Variants in CELSR1 observed in about 807,000 individuals in gnomAD.
CELSR1 encodes cadherin EGF LAG seven-pass G-type receptor 1, also known as adhesion G protein-coupled receptor C1.
Under a neutral mutation model 249.1 loss-of-function variants are expected in CELSR1, and 110 were observed. The observed-to-expected ratio is 0.44, with a 90% CI of 0.38 to 0.52. CELSR1 has a LOEUF of 0.52. CELSR1 is among the 20% of genes least tolerant of loss of function. The pLI is 0.00. For synonymous variants in CELSR1, 2,113 were observed against 1,900.0 expected (o/e 1.11, Z -2.92); for missense variants, 4,109 against 4,296.4 (o/e 0.96, Z 1.22).
At chr22:46,414,987 A>T (rs1485518684) in intron 5 of CELSR1, among the ~76,000 whole-genome samples, 1 of 152,170 alleles carries the variant, frequency 6.6e-6, no homozygotes, top group Non-Finnish European at 1.5e-5. Flanking sequence ...GGGTCCCGGA[A>T]CACATCGCGC....
chr22:46,409,110 G>A lies in CELSR1; in HGVS notation c.5112C>T (p.Asp1704=), dbSNP rs35717986. The change falls in exon 9 of 35, where the codon GAC becomes GAT. Residue 1704 remains aspartate (D), a synonymous_variant. Coordinates refer to ENST00000674500, the MANE Select transcript of CELSR1 (RefSeq NM_001378328.1). This position sits in a 1 kb window ranked among gnomAD's most constrained non-coding sequence, Gnocchi z 9.8. ...FSGESVVSWS[D]LNIIISVPWY... ...AGGGCACAGAGATGATGATGTTCAG[G>A]TCACTCCAGGACACGACGCTCTCAC... 101,724 of 1,612,768 alleles carry A rather than the reference G, an allele frequency of 0.063. 5,212 individuals carry two copies. Among genetic ancestry groups the A allele is most frequent in the African/African-American group, 0.27 (20,122 of 74,782 alleles).
At chr22:46,378,336 GA>G (rs2078940622) in intron 23 of CELSR1, among the ~76,000 whole-genome samples, 1 of 152,168 alleles carries the variant, frequency 6.6e-6, no homozygotes, top group East Asian at 1.9e-4. Context: ...AGGGCTCTCT[GA>G]AAACCCTTAT....
chr22:46,366,718 G>A (rs910614700), intron 29 of CELSR1, among the ~76,000 whole-genome samples: 1 of 152,172 alleles, frequency 6.6e-6, no homozygotes, highest in African/African-American at 2.4e-5. Context: ...CCCTCCCTAC[G>A]GCCACTGCTT....
Position 46,367,210 on chromosome 22 carries a change from G to C in CELSR1, c.8080-92C>G, listed in dbSNP as rs2078795484. Reference sequence around the variant, plus strand: ...AGCACAGATGCGCATACAGCCTTGAGTGCACACAACATGTCCGGCCACACG... The same window carrying C: ...AGCACAGATGCGCATACAGCCTTGACTGCACACAACATGTCCGGCCACACG... On this transcript the variant is annotated intron_variant, in intron 28 of 34. Coordinates refer to ENST00000674500, the MANE Select transcript of CELSR1 (RefSeq NM_001378328.1). 2.7e-6 allele frequency: 4 copies of C among 1,482,298 alleles called. No individual in the cohort carries two copies. The African/African-American group carries it at 4.1e-5, about 15-fold the overall frequency. The allele number at this position is 1,482,298 out of a possible 1,614,324, so 91.8% of individuals were successfully genotyped here. A position where few individuals can be genotyped will look rare whatever the true frequency, so the allele number is the denominator to read the frequency against.
chr22:46,536,262 G>T lies in CELSR1; in HGVS notation c.909C>A (p.Gly303=). Residue 303 remains glycine (G), a synonymous_variant, in exon 1 of 35, where the codon GGC becomes GGA. Coordinates refer to ENST00000674500, the MANE Select transcript of CELSR1 (RefSeq NM_001378328.1). ...CCAGTACGCTGTCCGTGCTCACGGC[G>T]CCCGTGGCAGAGTCGATTCGGAAGT... The part of the protein sequence containing the change: ...RGYFRIDSAT[G]AVSTDSVLDR... 6.2e-7 allele frequency: 1 copy of T among 1,612,302 alleles called. No individual in the cohort carries two copies. The highest frequency in any genetic ancestry group is 8.5e-7 in the Non-Finnish European group (1 of 1,179,784).
chr22:46,378,792 C>T (rs536354160), intron 22 of CELSR1, 75 bp from the exon 23 acceptor site: 75 of 1,540,870 alleles, frequency 4.9e-5, no homozygotes, highest in Non-Finnish European at 6.1e-5. Flanking sequence ...GCAGCCTTTG[C>T]CCAGCCCTGG....
intron 1 of CELSR1, among the ~76,000 whole-genome samples, chr22:46,524,702 G>A (rs945649467): frequency 6.6e-6 from 1 of 152,048 alleles, no homozygotes; most frequent in African/African-American, 2.4e-5. Flanking sequence ...GAATGTTCAC[G>A]CCCAAAAGGG....
Position 46,396,515 on chromosome 22 carries a change from G to A in CELSR1, c.5843+90C>T. On this transcript the variant is annotated intron_variant, in intron 13 of 34. Transcript: ENST00000674500. This position sits in a 1 kb window ranked among gnomAD's most constrained non-coding sequence, Gnocchi z 6.4. ...TTACCCAGAATCACACATATCTTTGGGTCAAAATAAGAAAGAGAAGACACT... is the reference window on the plus strand; with the variant it reads ...TTACCCAGAATCACACATATCTTTGAGTCAAAATAAGAAAGAGAAGACACT... 7.6e-7 allele frequency: 1 copy of A among 1,322,036 alleles called. No individual in the cohort carries two copies. Among genetic ancestry groups the A allele is most frequent in the Non-Finnish European group, 9.8e-7 (1 of 1,018,058 alleles). The allele number at this position is 1,322,036 out of a possible 1,614,324, so 81.9% of individuals were successfully genotyped here.
rs559050135 is a variant in CELSR1 at position 46,513,348 on chromosome 22, A to C, written c.3544+20279T>G. 3.9e-5 allele frequency among the ~76,000 whole-genome samples: 6 copies of C among 152,186 alleles called. No individual in the cohort carries two copies. The South Asian group carries it at 1.2e-3, about 32-fold the overall frequency. On this transcript the variant is annotated intron_variant, in intron 1 of 34. Coordinates refer to ENST00000674500, the MANE Select transcript of CELSR1 (RefSeq NM_001378328.1). ...AAGAGGATTAAAAATACAAGTTCAA[A>C]AGCATTCCCCACGTGGGGTCCTGAG...
chr22:46,384,491 C>G (rs760598927), intron 20 of CELSR1, 52 bp downstream of exon 20: 32 of 1,534,676 alleles, frequency 2.1e-5, no homozygotes, highest in Non-Finnish European at 2.5e-5. Context: ...GCCCTCCCCT[C>G]CCTGAACGCT....
At chr22:46,451,931 A>AG (rs1177149368) in intron 2 of CELSR1, among the ~76,000 whole-genome samples, 1 of 152,178 alleles carries the variant, frequency 6.6e-6, no homozygotes, top group African/African-American at 2.4e-5. Context: ...ATGAGAAGCA[A>AG]GGGGAAGGGC....
chr22:46,524,522 C>T (rs894176673), intron 1 of CELSR1, among the ~76,000 whole-genome samples: 4 of 151,306 alleles, frequency 2.6e-5, no homozygotes, highest in Non-Finnish European at 4.4e-5. Context: ...TTGAAAACGG[C>T]CCCCACCCCC....
chr22:46,450,691 G>A lies in CELSR1; in HGVS notation c.4184-11280C>T, dbSNP rs6007913. ...CCTTCCCTGGACAGGTGTCCCCTCC[G>A]AATGTCCCTATAGGAGAGGCCGACC... On this transcript the variant is annotated intron_variant, in intron 2 of 34. Transcript: ENST00000674500. Among the ~76,000 whole-genome samples, 946 of 152,234 alleles carry A rather than the reference G, an allele frequency of 6.2e-3. 9 individuals carry two copies. The highest frequency in any genetic ancestry group is 0.021 in the African/African-American group (876 of 41,536).
At chr22:46,460,899 A>G (rs2080018540) in intron 2 of CELSR1, among the ~76,000 whole-genome samples, 1 of 152,180 alleles carries the variant, frequency 6.6e-6, no homozygotes, top group African/African-American at 2.4e-5. Context: ...TTTCTCCAGC[A>G]TCAAATTTGT....
At position 46,394,171 on chromosome 22, in the gene CELSR1, T is replaced by C. The variant is rs757459340; in HGVS notation, c.5935A>G (p.Asn1979Asp). Reference sequence around the variant, plus strand: ...CATTGGCACTGGCCGTTGGTCTTATTACAGTCGGGATCAAAGCCTTTGCTG... The same window carrying C: ...CATTGGCACTGGCCGTTGGTCTTATCACAGTCGGGATCAAAGCCTTTGCTG... ...AVSKGFDPDC[N>D]KTNGQCQCKE... The change falls in exon 14 of 35, where the codon AAT becomes GAT. Residue 1979 changes from asparagine (N) to aspartate (D), a missense_variant. Transcript: ENST00000674500. The C allele has an allele frequency of 5.6e-6, 9 of 1,613,948 alleles. No homozygotes were observed. Among genetic ancestry groups the C allele is most frequent in the Admixed American group, 1.7e-5 (1 of 60,006 alleles).
intron 2 of CELSR1, among the ~76,000 whole-genome samples, chr22:46,450,800 T>G (rs182451765): frequency 9.3e-4 from 141 of 152,294 alleles, no homozygotes; most frequent in African/African-American, 3.2e-3. Flanking sequence ...CTGAGCAAGA[T>G]CCTGGCTAGT....
In CELSR1 at chr22:46,392,009, C is replaced by T. The variant is rs569655153; in HGVS notation, c.5965-193G>A. On this transcript the variant is annotated intron_variant, in intron 14 of 34. Transcript: ENST00000674500. ...GCTGCCTCCCAAGGCCCCACAAGGC[C>T]GGACCCAGGAGAGCAGTTCTTCCGG... 5.9e-5 allele frequency among the ~76,000 whole-genome samples: 9 copies of T among 152,344 alleles called. No homozygotes were observed. In the South Asian group the frequency reaches 8.3e-4, roughly 14 times the overall value.
Position 46,427,393 on chromosome 22 carries a change from C to A in CELSR1, c.4611+6000G>T, listed in dbSNP as rs2079548392. The stretch of plus-strand genomic sequence containing the variant: ...CTCTACTAAAAGTACAAAAATTAAC[C>A]GGGTGTGGTGGCGCGCACCTGTAAA... On this transcript the variant is annotated intron_variant, in intron 5 of 34. Coordinates refer to ENST00000674500, the MANE Select transcript of CELSR1 (RefSeq NM_001378328.1). This position sits in a 1 kb window ranked among gnomAD's most constrained non-coding sequence, Gnocchi z 4.2. 6.6e-6 allele frequency among the ~76,000 whole-genome samples: 1 copy of A among 152,152 alleles called. No individual in the cohort carries two copies. The highest frequency in any genetic ancestry group is 2.4e-5 in the African/African-American group (1 of 41,436).
At position 46,534,771 on chromosome 22, in the gene CELSR1, C is replaced by G; in HGVS notation, c.2400G>C (p.Glu800Asp). The change falls in exon 1 of 35, where the codon GAG becomes GAC. Residue 800 changes from glutamate to aspartate, a missense_variant. Glu to Asp is a conservative substitution (Grantham distance 45, BLOSUM62 2). This residue lies in a region of CELSR1 where 886 missense variants were observed against 896.5 expected (regional missense o/e 0.99). Coordinates refer to ENST00000674500, the MANE Select transcript of CELSR1 (RefSeq NM_001378328.1). This position sits in a 1 kb window ranked among gnomAD's most constrained non-coding sequence, Gnocchi z 9.7. ...QSSHYTVSVS[E>D]DRPVGTSIAT... Reference sequence around the variant, plus strand: ...CAATGGAGGTGCCCACAGGCCTGTCCTCACTGACACTCACTGTGTAATGGG... The same window carrying G: ...CAATGGAGGTGCCCACAGGCCTGTCGTCACTGACACTCACTGTGTAATGGG... 1.2e-6 allele frequency: 2 copies of G among 1,613,104 alleles called. No homozygotes were observed. The highest frequency in any genetic ancestry group is 8.5e-7 in the Non-Finnish European group (1 of 1,180,008).
Sources: allele counts gnomAD v4.1 joint callset (sites outside exome capture counted in the v4.1 genomes callset), GRCh38; gene constraint gnomAD v4.1.1; regional missense constraint gnomAD v4.1.1; non-coding constraint Gnocchi (gnomAD v3.1); transcripts MANE v1.5; gene names NCBI Gene and HGNC (gene_info 2026-07-23, HGNC 2026-07-21).